BCAR3: variants seen among roughly 807,000 people sequenced by gnomAD.
BCAR3 encodes BCAR3 adaptor protein, NSP family member.
A neutral mutation model predicts 80.1 loss-of-function variants in BCAR3; 37 were observed. That is an observed-to-expected ratio of 0.46 (90% confidence interval 0.36 to 0.61). The LOEUF is 0.61. Ranked by LOEUF, BCAR3 falls within the 20% of genes least tolerant of loss-of-function variation. The probability of loss-of-function intolerance (pLI) is 0.00; values close to 1 mark genes in which losing one functional copy is unlikely to be tolerated. For missense variants in BCAR3, 978 were observed against 1,068.2 expected, an observed-to-expected ratio of 0.92 and a Z score of 1.18; for synonymous variants, 389 against 418.9, an observed-to-expected ratio of 0.93 and a Z score of 0.87.
At chr1:93,843,174 A>G (rs1655023830) in intron 2 of BCAR3, among the ~76,000 whole-genome samples, 1 of 152,180 alleles carries the variant, frequency 6.6e-6, no homozygotes, top group Non-Finnish European at 1.5e-5. Flanking sequence ...ACTGTGAGGA[A>G]TTGAAGCTGA....
At chr1:93,605,079 G>A (rs191966199) in intron 3 of BCAR3, among the ~76,000 whole-genome samples, 3 of 152,260 alleles carry the variant, frequency 2.0e-5, no homozygotes, top group Non-Finnish European at 2.9e-5. Context: ...ATCTTGCCAC[G>A]CTGAAAGCCC....
At chr1:93,763,495 T>G (rs534060701) in intron 2 of BCAR3, among the ~76,000 whole-genome samples, 1 of 152,220 alleles carries the variant, frequency 6.6e-6, no homozygotes, top group Non-Finnish European at 1.5e-5. Flanking sequence ...AGGAGAACAC[T>G]GAGGCCAAGA....
chr1:93,604,316 CT>C (rs1389692254), intron 3 of BCAR3, among the ~76,000 whole-genome samples: 1 of 152,076 alleles, frequency 6.6e-6, no homozygotes, highest in African/African-American at 2.4e-5. Context: ...AAGAGATTTC[CT>C]TTTATTCATT....
intron 2 of BCAR3, among the ~76,000 whole-genome samples, chr1:93,797,043 C>A (rs1219748812): frequency 6.6e-6 from 1 of 152,112 alleles, no homozygotes; most frequent in Non-Finnish European, 1.5e-5. Context: ...AAGAAGAGGG[C>A]CCATATGTTT....
chr1:93,745,142 C>T (rs549711248), intron 2 of BCAR3, among the ~76,000 whole-genome samples: 144 of 152,344 alleles, frequency 9.5e-4, no homozygotes, highest in Middle Eastern at 3.4e-3. Context: ...TGGAAAGTCT[C>T]CCAGGTGGAG....
upstream of BCAR3, among the ~76,000 whole-genome samples, chr1:93,684,922 G>T (rs1257418469): frequency 6.6e-6 from 1 of 152,014 alleles, no homozygotes; most frequent in Non-Finnish European, 1.5e-5. Context: ...TAGAAACAGG[G>T]GTTCTCCATG....
At chr1:93,726,115 G>T (rs1650573650) in intron 2 of BCAR3, among the ~76,000 whole-genome samples, 1 of 151,862 alleles carries the variant, frequency 6.6e-6, no homozygotes, top group African/African-American at 2.4e-5. Context: ...TGCCCACGCT[G>T]GAGTGCAGTG....
At chr1:93,843,650 G>A (rs1413768716) in intron 2 of BCAR3, among the ~76,000 whole-genome samples, 1 of 152,068 alleles carries the variant, frequency 6.6e-6, no homozygotes, top group African/African-American at 2.4e-5. Flanking sequence ...TTTATTAGTA[G>A]TATAATAGAG....
chr1:93,844,126 G>C (rs1177705228), intron 2 of BCAR3, among the ~76,000 whole-genome samples: 3 of 152,166 alleles, frequency 2.0e-5, no homozygotes, highest in Non-Finnish European at 4.4e-5. Context: ...GGACAACATG[G>C]TGAAACCCCA....
chr1:93,641,038 G>A (rs1675961101), intron 3 of BCAR3, among the ~76,000 whole-genome samples: 1 of 152,226 alleles, frequency 6.6e-6, no homozygotes, highest in Non-Finnish European at 1.5e-5. Context: ...ATGCATCCGG[G>A]AGGGACACAG....
At chr1:93,738,472 C>G (rs1487153534) in intron 2 of BCAR3, among the ~76,000 whole-genome samples, 5 of 152,248 alleles carry the variant, frequency 3.3e-5, no homozygotes, top group Non-Finnish European at 7.3e-5. Context: ...CCGCCCTCCC[C>G]CGCCATGGGT....
chr1:93,584,513 TA>T (rs1673862814), intron 5 of BCAR3, among the ~76,000 whole-genome samples: 1 of 152,236 alleles, frequency 6.6e-6, no homozygotes, highest in Non-Finnish European at 1.5e-5. Context: ...ATGGCTTGCC[TA>T]ACTAACATGC....
chr1:93,593,104 C>CAGTG (rs1674278022), intron 3 of BCAR3, among the ~76,000 whole-genome samples: 1 of 151,594 alleles, frequency 6.6e-6, no homozygotes, highest in Non-Finnish European at 1.5e-5. Flanking sequence ...GTGGCCATGG[C>CAGTG]AGTGAGTGCT....
At chr1:93,770,890 A>G (rs1652337194) in intron 2 of BCAR3, among the ~76,000 whole-genome samples, 1 of 152,118 alleles carries the variant, frequency 6.6e-6, no homozygotes, top group African/African-American at 2.4e-5. Flanking sequence ...TCATCTATGC[A>G]AGTGGTGTCA....
chr1:93,602,764 C>G (rs1039113004), intron 3 of BCAR3, among the ~76,000 whole-genome samples: 7 of 152,236 alleles, frequency 4.6e-5, no homozygotes, highest in African/African-American at 1.7e-4. Context: ...ACCCCAATTA[C>G]TTTCATCACT....
At chr1:93,622,007 G>A (rs1403533706) in intron 3 of BCAR3, among the ~76,000 whole-genome samples, 1 of 152,166 alleles carries the variant, frequency 6.6e-6, no homozygotes, top group Non-Finnish European at 1.5e-5. Context: ...GAGTAGCTGG[G>A]ACTACAGGCA....
intron 1 of BCAR3, among the ~76,000 whole-genome samples, chr1:93,846,561 A>C (rs1304606599): frequency 1.3e-5 from 2 of 151,966 alleles, no homozygotes; most frequent in African/African-American, 4.8e-5. Flanking sequence ...ATTCGTGGCG[A>C]CCGCACCCTT....
At chr1:93,832,769 T>C (rs1654618669) in intron 2 of BCAR3, among the ~76,000 whole-genome samples, 1 of 152,196 alleles carries the variant, frequency 6.6e-6, no homozygotes, top group Non-Finnish European at 1.5e-5. Flanking sequence ...AACATTCTTT[T>C]ATGCACTCCT....
At position 93,674,741 on chromosome 1, in the gene BCAR3, A is replaced by C; in HGVS notation, c.190T>G (p.Cys64Gly). The C allele has an allele frequency of 1.2e-6, 2 of 1,613,802 alleles. No homozygotes were observed. The highest frequency in any genetic ancestry group is 1.1e-5 in the South Asian group (1 of 90,980). Residue 64 changes from cysteine to glycine, a missense_variant, in exon 2 of 12, where the codon TGT becomes GGT. Transcript: ENST00000260502. ...KKKGPPPIRS[C>G]DDFSHMGTLP... is the part of the protein sequence containing the mutation. ...GTGCCCATGTGACTGAAGTCATCAC[A>C]GGACCTTATGGGAGGAGGACCTTTT...
Sources: gnomAD v4.1 joint callset for allele counts (sites outside exome capture counted in the v4.1 genomes callset) on GRCh38, gnomAD v4.1.1 for gene constraint, MANE v1.5 for transcripts, NCBI Gene and HGNC (gene_info 2026-07-23, HGNC 2026-07-21) for gene names.